The following HYDIN variants were observed in gnomAD, a reference collection of about 807,000 sequenced individuals.
HYDIN encodes HYDIN axonemal central pair apparatus protein.
Under a neutral mutation model 403.9 loss-of-function variants are expected in HYDIN, and 132 were observed. That is an observed-to-expected ratio of 0.33 (90% CI 0.28 to 0.38). The LOEUF is 0.38. HYDIN is among the 10% of genes least tolerant of loss of function. The pLI, the probability that HYDIN is intolerant of heterozygous loss-of-function variation, is 1.00. For missense variants in HYDIN, 2,827 were observed against 5,009.5 expected (o/e 0.56, Z 13.15); for synonymous variants, 1,202 against 1,891.7 (o/e 0.64, Z 9.46).
chr16:70,881,056 T>C (rs1387315828), intron 60 of HYDIN, among the ~76,000 whole-genome samples: 2 of 143,866 alleles, frequency 1.4e-5, no homozygotes. Context: ...TGAAACCCTG[T>C]CTCTACAAAA....
At chr16:71,066,184 C>T (rs1996047) in intron 15 of HYDIN, among the ~76,000 whole-genome samples, 3 of 150,964 alleles carry the variant, frequency 2.0e-5, no homozygotes, top group Admixed American at 1.3e-4. Flanking sequence ...TCTGAATAAG[C>T]CTGCATAGAC....
intron 21 of HYDIN, among the ~76,000 whole-genome samples, chr16:71,020,898 T>G (rs570601907): frequency 2.7e-4 from 40 of 150,408 alleles, no homozygotes; most frequent in Non-Finnish European, 5.3e-4. Context: ...TTAGATTTTT[T>G]TACCCCCTTG....
chr16:71,169,618 T>C (rs1356421581), intron 5 of HYDIN, among the ~76,000 whole-genome samples: 1 of 151,930 alleles, frequency 6.6e-6, no homozygotes, highest in Non-Finnish European at 1.5e-5. Context: ...TCTAAAACAG[T>C]CAAATGCATA....
intron 6 of HYDIN, among the ~76,000 whole-genome samples, chr16:71,155,025 C>A (rs1219990306): frequency 6.9e-6 from 1 of 145,598 alleles, no homozygotes; most frequent in Non-Finnish European, 1.5e-5. Flanking sequence ...TCACTGGCAG[C>A]CTCTAGATGC....
intron 27 of HYDIN, among the ~76,000 whole-genome samples, chr16:70,986,411 A>G (rs1188667917): frequency 6.6e-6 from 1 of 152,202 alleles, no homozygotes; most frequent in Non-Finnish European, 1.5e-5. Context: ...CAAGTGCCCA[A>G]AGGACCCTGG....
intron 1 of HYDIN, chr16:71,203,755 A>G (rs1031242289): frequency 5.0e-5 from 23 of 455,956 alleles, no homozygotes; most frequent in Non-Finnish European, 9.7e-5. Flanking sequence ...ATATGGGTCC[A>G]AAGAATTCCA....
rs868290085 is a variant in HYDIN, at chr16:71,230,718, A to G, written c.-180T>C. ...GCCCGAGCTGTTGCCGTCCGTTGCC[A>G]CGGTAACCACGGAGCCGCACAGCCT... is the stretch of plus-strand genomic sequence containing the variant. On this transcript the variant is annotated 5_prime_UTR_variant, in exon 1 of 86. Coordinates refer to ENST00000393567, the MANE Select transcript of HYDIN (RefSeq NM_001270974.2). 7 of 1,535,896 alleles carry G rather than the reference A, an allele frequency of 4.6e-6. No homozygotes were observed. In the African/African-American group the frequency reaches 9.6e-5, roughly 21 times the overall value.
chr16:71,046,941 C>T (rs1371603904), intron 18 of HYDIN, among the ~76,000 whole-genome samples: 1 of 151,864 alleles, frequency 6.6e-6, no homozygotes, highest in Non-Finnish European at 1.5e-5. Flanking sequence ...GATGATGATG[C>T]TGGTAATGGG....
At chr16:70,896,363 T>G (rs1295292881) in intron 53 of HYDIN, among the ~76,000 whole-genome samples, 1 of 151,902 alleles carries the variant, frequency 6.6e-6, no homozygotes, top group East Asian at 1.9e-4. Flanking sequence ...AAAGTGGTTT[T>G]CTTTTTTGAG....
chr16:71,159,788 A>G (rs1028240492), intron 6 of HYDIN, among the ~76,000 whole-genome samples: 1 of 152,158 alleles, frequency 6.6e-6, no homozygotes, highest in Non-Finnish European at 1.5e-5. Flanking sequence ...AAATATATAT[A>G]TAATTGTTGG....
chr16:71,215,636 G>A (rs1241943837), intron 1 of HYDIN, among the ~76,000 whole-genome samples: 38 of 151,828 alleles, frequency 2.5e-4, no homozygotes, highest in Admixed American at 2.5e-3. Flanking sequence ...GGGAGGCCAA[G>A]GCAAGAGGAT....
intron 6 of HYDIN, among the ~76,000 whole-genome samples, chr16:71,155,498 TC>T (rs1464472002): frequency 7.0e-6 from 1 of 142,112 alleles, no homozygotes; most frequent in Non-Finnish European, 1.5e-5. Flanking sequence ...TGAAGCCACC[TC>T]TCACAGCCCA....
intron 8 of HYDIN, among the ~76,000 whole-genome samples, chr16:71,135,329 C>A (rs2084875455): frequency 6.6e-6 from 1 of 150,564 alleles, no homozygotes; most frequent in Admixed American, 6.6e-5. Context: ...AAAATCAATG[C>A]CCATCCACTG....
intron 48 of HYDIN, 71 bp downstream of exon 48, chr16:70,908,582 T>C: frequency 6.7e-7 from 1 of 1,498,250 alleles, no homozygotes; most frequent in Admixed American, 2.0e-5. Flanking sequence ...TCCCCTCCAG[T>C]GCTGTGACAG....
intron 1 of HYDIN, among the ~76,000 whole-genome samples, chr16:71,206,895 T>C (rs1198561720): frequency 6.6e-6 from 1 of 152,030 alleles, no homozygotes; most frequent in Non-Finnish European, 1.5e-5. Context: ...TAAAAATGAA[T>C]GAACAAAACC....
chr16:70,871,782 G>T (rs1338799588), intron 65 of HYDIN, among the ~76,000 whole-genome samples: 1 of 126,078 alleles, frequency 7.9e-6, no homozygotes, highest in Non-Finnish European at 1.6e-5. Flanking sequence ...ATCTATACAG[G>T]CCTCCACAGG....
intron 10 of HYDIN, among the ~76,000 whole-genome samples, chr16:71,094,246 A>C (rs1345129714): frequency 6.6e-6 from 1 of 151,688 alleles, no homozygotes; most frequent in Non-Finnish European, 1.5e-5. Flanking sequence ...CTTGAGAAAC[A>C]TATAAAAACA....
At chr16:70,871,431 C>T (rs953957291) in intron 65 of HYDIN, among the ~76,000 whole-genome samples, 6 of 151,904 alleles carry the variant, frequency 3.9e-5, no homozygotes, top group African/African-American at 1.5e-4. Flanking sequence ...AACCACTGGC[C>T]AGAGGCAACG....
chr16:70,901,438 CAA>C (rs1479203184), intron 52 of HYDIN, among the ~76,000 whole-genome samples: 27 of 151,442 alleles, frequency 1.8e-4, no homozygotes, highest in African/African-American at 5.8e-4. Flanking sequence ...CAAGCATCCT[CAA>C]GTGTCTGTTG....
Sources: gnomAD v4.1 joint callset for allele counts (sites outside exome capture counted in the v4.1 genomes callset) on GRCh38, gnomAD v4.1.1 for gene constraint, MANE v1.5 for transcripts, NCBI Gene and HGNC (gene_info 2026-07-23, HGNC 2026-07-21) for gene names.